Variants in MAP3K12 observed in about 807,000 individuals in gnomAD.
MAP3K12 encodes the protein mitogen-activated protein kinase kinase kinase 12.
Under a neutral mutation model 87.5 loss-of-function variants are expected in MAP3K12, and 14 were observed. The observed-to-expected ratio is 0.16, with a 90% confidence interval of 0.11 to 0.25. The LOEUF (loss-of-function observed/expected upper bound fraction) is 0.25, where lower values mean the gene tolerates loss of function less well. Ranked by LOEUF, MAP3K12 falls within the 10% of genes least tolerant of loss-of-function variation. MAP3K12 has a pLI of 1.00. For synonymous variants in MAP3K12, 469 were observed against 452.5 expected, an observed-to-expected ratio of 1.04 and a Z score of -0.46; for missense variants, 802 against 1,140.4, an observed-to-expected ratio of 0.70 and a Z score of 4.27.
rs559422217 is a variant in MAP3K12, at chr12:53,480,793, G to C, written c.*389C>G. The C allele has an allele frequency of 1.3e-5, 2 of 152,506 alleles. No homozygotes were observed. The highest frequency in any genetic ancestry group is 2.9e-5 in the Non-Finnish European group (2 of 68,038). 9.4% of individuals were successfully genotyped at this position (152,506 alleles called of 1,614,324 possible). A position where few individuals can be genotyped will look rare whatever the true frequency, so the allele number is the denominator to read the frequency against. The stretch of plus-strand genomic sequence containing the variant: ...TGCAAAATGTGTAAACAGAGTAAAC[G>C]GAACAGAAAAGTGCAGTCTAAGTGG... On this transcript the variant is annotated 3_prime_UTR_variant, in exon 14 of 14. Coordinates refer to ENST00000547488, the MANE Select transcript of MAP3K12 (RefSeq NM_001193511.2).
Position 53,483,967 on chromosome 12 carries a change from C to G in MAP3K12, c.1302G>C (p.Gly434=), listed in dbSNP as rs1409334081. The G allele has an allele frequency of 6.2e-7, 1 of 1,614,190 alleles. No individual in the cohort carries two copies. The highest frequency in any genetic ancestry group is 1.7e-5 in the Admixed American group (1 of 60,026). The change falls in exon 8 of 14, where the codon GGG becomes GGC. Residue 434 remains glycine, a synonymous_variant. Coordinates refer to ENST00000547488, the MANE Select transcript of MAP3K12 (RefSeq NM_001193511.2). ...CCTCTTCTAGGCGGTGCAGACAGGT[C>G]CCTTCTGACTTAATCTTTTCAAAGT... ...KLHFEKIKSE[G]TCLHRLEEEL...
At chr12:53,493,258 C>T (rs765109624) in intron 1 of MAP3K12, among the ~76,000 whole-genome samples, 10 of 152,176 alleles carry the variant, frequency 6.6e-5, no homozygotes, top group Admixed American at 2.0e-4. Context: ...CCTGGGCCGG[C>T]CCAGGTGGCT....
At chr12:53,481,325 T>G (rs777979652) in intron 13 of MAP3K12, 45 bp from the exon 14 acceptor site, 20 of 1,156,270 alleles carry the variant, frequency 1.7e-5, no homozygotes, top group Admixed American at 6.0e-5. Context: ...TGGGGTTCTT[T>G]GCTGGGGTCA....
rs1555209676 is a variant in MAP3K12, at chr12:53,479,671, G to GTTTTTTTTTGTTTTTGT, written c.*1510_*1511insACAAAAACAAAAAAAAA. 10 of 206,780 alleles carry GTTTTTTTTTGTTTTTGT rather than the reference G, an allele frequency of 4.8e-5. No homozygotes were observed. Among genetic ancestry groups the GTTTTTTTTTGTTTTTGT allele is most frequent in the Non-Finnish European group, 8.3e-5 (9 of 108,890 alleles). The allele number at this position is 206,780 out of a possible 1,614,324, so 12.8% of individuals were successfully genotyped here. A position where few individuals can be genotyped will look rare whatever the true frequency, so the allele number is the denominator to read the frequency against. ...ATTTAGTTTTATAAGCTTCTCCCTG[G>GTTTTTTTTTGTTTTTGT]TTTTTTTTTTTTGGCTCATGAATTT... On this transcript the variant is annotated 3_prime_UTR_variant, in exon 14 of 14. Coordinates refer to ENST00000547488, the MANE Select transcript of MAP3K12 (RefSeq NM_001193511.2).
chr12:53,483,477 T>G lies in MAP3K12; in HGVS notation c.1485A>C (p.Gln495His). 6.2e-7 allele frequency: 1 copy of G among 1,614,096 alleles called. No individual in the cohort carries two copies. The highest frequency in any genetic ancestry group is 8.5e-7 in the Non-Finnish European group (1 of 1,179,996). ...LKERELLRRE[Q>H]ALERRCPGLL... ...GGCCTGGGCACCTCCGCTCTAAAGC[T>G]TGCTCTCGCCTAAAGATCCAGGCAC... Residue 495 changes from glutamine to histidine, a missense_variant, in exon 10 of 14, where the codon CAA becomes CAC. By Grantham distance (24) the Gln-to-His change is conservative. Around this residue, in one of 5 missense-constraint regions of MAP3K12, gnomAD observed 99 missense variants for 193.4 expected, o/e 0.51. Coordinates refer to ENST00000547488, the MANE Select transcript of MAP3K12 (RefSeq NM_001193511.2).
chr12:53,484,188 T>G, intron 7 of MAP3K12, 69 bp downstream of exon 7: 2 of 1,460,832 alleles, frequency 1.4e-6, no homozygotes, highest in Non-Finnish European at 1.9e-6. Flanking sequence ...TTTCCCAGCC[T>G]CCCCCTCAAA....
In MAP3K12 at chr12:53,493,311, C is replaced by A. The variant is rs536739187; in HGVS notation, c.-37-5883G>T. Among the ~76,000 whole-genome samples, 6 of 152,246 alleles carry A rather than the reference C, an allele frequency of 3.9e-5. No homozygotes were observed. The South Asian group carries it at 1.2e-3, about 32-fold the overall frequency. ...CGAGGATCTTAGGTGCGGACCCCCA[C>A]CCAGCGGTCTGCCCCATCTGTGTTC... On this transcript the variant is annotated intron_variant, in intron 1 of 13. Transcript: ENST00000547488.
At chr12:53,487,451 G>A (rs1943259236) in intron 1 of MAP3K12, 23 bp from the exon 2 acceptor site, 1 of 1,545,730 alleles carries the variant, frequency 6.5e-7, no homozygotes, top group South Asian at 1.3e-5. Flanking sequence ...AGGAAGGAGG[G>A]GCTGGGCTGT....
At chr12:53,497,100 T>A (rs953122862) in intron 1 of MAP3K12, among the ~76,000 whole-genome samples, 2 of 152,226 alleles carry the variant, frequency 1.3e-5, no homozygotes, top group African/African-American at 4.8e-5. Flanking sequence ...ACTTTTTTAC[T>A]TTAAACAAAT....
In MAP3K12 at chr12:53,481,125, GTA is replaced by G. The variant is rs1171499281; in HGVS notation, c.*55_*56del. On this transcript the variant is annotated 3_prime_UTR_variant, in exon 14 of 14. Coordinates refer to ENST00000547488, the MANE Select transcript of MAP3K12 (RefSeq NM_001193511.2). ...ATGTGGCGCATATATATATATATAT[GTA>G]TATATATATAATTTATATAAATATT... 1.5e-4 allele frequency: 80 copies of G among 529,144 alleles called. No individual in the cohort carries two copies. The highest frequency in any genetic ancestry group is 6.9e-4 in the Middle Eastern group (1 of 1,446). The allele number at this position is 529,144 out of a possible 1,614,324, so 32.8% of individuals were successfully genotyped here.
rs947464111 is a variant in MAP3K12, at chr12:53,480,101, T to C, written c.*1081A>G. On this transcript the variant is annotated 3_prime_UTR_variant, in exon 14 of 14. Coordinates refer to ENST00000547488, the MANE Select transcript of MAP3K12 (RefSeq NM_001193511.2). ...TAGGGGAGTAGGCAAGCACTTCCAC[T>C]AGGGAGGGGGTGGGGGAAAGGAATG... 1 of 151,126 alleles carries C rather than the reference T, an allele frequency of 6.6e-6. No individual in the cohort carries two copies. The highest frequency in any genetic ancestry group is 2.4e-5 in the African/African-American group (1 of 40,994). 9.4% of individuals were successfully genotyped at this position (151,126 alleles called of 1,614,324 possible). A position where few individuals can be genotyped will look rare whatever the true frequency, so the allele number is the denominator to read the frequency against.
Position 53,482,844 on chromosome 12 carries a change from G to C in MAP3K12, c.1959C>G (p.Ser653=). The change falls in exon 11 of 14, where the codon TCC becomes TCG. Residue 653 remains serine, a synonymous_variant. Coordinates refer to ENST00000547488, the MANE Select transcript of MAP3K12 (RefSeq NM_001193511.2). The part of the protein sequence containing the change: ...SPDLLSAALG[S]RGRGATGGAG... ...CTCCGCCTGTGGCCCCCCGGCCCCG[G>C]GACCCTAGTGCTGCTGACAGCAGGT... 6.2e-7 allele frequency: 1 copy of C among 1,611,728 alleles called. No individual in the cohort carries two copies. Among genetic ancestry groups the C allele is most frequent in the Non-Finnish European group, 8.5e-7 (1 of 1,178,638 alleles).
chr12:53,493,422 G>A (rs576593475), intron 1 of MAP3K12, among the ~76,000 whole-genome samples: 122 of 152,268 alleles, frequency 8.0e-4, no homozygotes, highest in South Asian at 1.9e-3. Flanking sequence ...GGTTGGCATT[G>A]GGGGTGCAGT....
In MAP3K12 at chr12:53,487,380, G is replaced by A. The variant is rs370369155; in HGVS notation, c.12C>T (p.Leu4=). 67 of 1,611,234 alleles carry A rather than the reference G, an allele frequency of 4.2e-5. No homozygotes were observed. The highest frequency in any genetic ancestry group is 5.6e-5 in the Non-Finnish European group (66 of 1,178,492). Reference sequence around the variant, plus strand: ...AAGGAGAGGGTGTTCGGGTCTCATGGAGGCAAGCCATCGCCTCTGGCCCCT... The same window carrying A: ...AAGGAGAGGGTGTTCGGGTCTCATGAAGGCAAGCCATCGCCTCTGGCCCCT... MAC[L]HETRTPSPSF... The change falls in exon 2 of 14, where the codon CTC becomes CTT. Residue 4 remains leucine, a synonymous_variant. Coordinates refer to ENST00000547488, the MANE Select transcript of MAP3K12 (RefSeq NM_001193511.2).
chr12:53,482,022 C>T lies in MAP3K12; in HGVS notation c.2499G>A (p.Leu833=), dbSNP rs1943068547. The change falls in exon 13 of 14, where the codon CTG becomes CTA. Residue 833 remains leucine, a synonymous_variant. Coordinates refer to ENST00000547488, the MANE Select transcript of MAP3K12 (RefSeq NM_001193511.2). ...GGATGACCTCTGAAGGAGGTGGGTC[C>T]AGTGGGATTTCTGAGCCCTGGGAGC... ...DMCSQGSEIP[L]DPPPSEVIPG... 1.2e-6 allele frequency: 2 copies of T among 1,614,126 alleles called. No individual in the cohort carries two copies. The highest frequency in any genetic ancestry group is 1.7e-6 in the Non-Finnish European group (2 of 1,180,014).
chr12:53,493,953 T>G (rs1057244735), intron 1 of MAP3K12: 2 of 152,286 alleles, frequency 1.3e-5, no homozygotes, highest in Non-Finnish European at 2.9e-5. Context: ...AAGGGAAAGA[T>G]CTCAGGCTAG....
chr12:53,499,945 G>T (rs1201872126), upstream of MAP3K12: 1 of 152,294 alleles, frequency 6.6e-6, no homozygotes, highest in Non-Finnish European at 1.5e-5. Flanking sequence ...GATCCCTAGC[G>T]CTCTGGCATT....
rs1452583738 is a variant in MAP3K12 at position 53,481,989 on chromosome 12, A to C, written c.2532T>G (p.Pro844=). 1.2e-6 allele frequency: 2 copies of C among 1,614,172 alleles called. No homozygotes were observed. Among genetic ancestry groups the C allele is most frequent in the South Asian group, 2.2e-5 (2 of 91,086 alleles). The stretch of plus-strand genomic sequence containing the variant: ...GTGGAATGGGCAGGGAGCTGGGTTC[A>C]GGGCCAGGGATGACCTCTGAAGGAG... ...DPPPSEVIPG[P]EPSSLPIPHQ... The change falls in exon 13 of 14, where the codon CCT becomes CCG. Residue 844 remains proline, a synonymous_variant. Transcript: ENST00000547488.
intron 1 of MAP3K12, among the ~76,000 whole-genome samples, chr12:53,494,191 C>T (rs1301480910): frequency 6.6e-6 from 1 of 152,192 alleles, no homozygotes; most frequent in Non-Finnish European, 1.5e-5. Flanking sequence ...GTTCAGTCAC[C>T]CTGGGGGAGG....
Sources: gnomAD v4.1 joint callset for allele counts (sites outside exome capture counted in the v4.1 genomes callset) on GRCh38, gnomAD v4.1.1 for gene constraint, gnomAD v4.1.1 regional missense constraint, MANE v1.5 for transcripts, NCBI Gene and HGNC (gene_info 2026-07-23, HGNC 2026-07-21) for gene names.